KCNIP2: variants seen among roughly 807,000 people sequenced by gnomAD.
KCNIP2 encodes the protein potassium voltage-gated channel interacting protein 2.
In KCNIP2, 19 loss-of-function variants were observed where a neutral mutation model predicts 39.0. The observed-to-expected ratio is 0.49, with a 90% CI of 0.34 to 0.71. The LOEUF (loss-of-function observed/expected upper bound fraction) is 0.71, where lower values mean the gene tolerates loss of function less well. KCNIP2 is among the 30% of genes least tolerant of loss of function. The probability of loss-of-function intolerance (pLI) is 0.01; values close to 1 mark genes in which losing one functional copy is unlikely to be tolerated. For missense variants in KCNIP2, 261 were observed against 346.0 expected, an observed-to-expected ratio of 0.75 and a Z score of 1.95; for synonymous variants, 111 against 131.2, an observed-to-expected ratio of 0.85 and a Z score of 1.05.
chr10:101,839,796 T>G, intron 1 of KCNIP2: 1 of 1,611,350 alleles, frequency 6.2e-7, no homozygotes, highest in Non-Finnish European at 8.5e-7. Context: ...GGGATCGCGC[T>G]GCCTGCCCCA....
intron 2 of KCNIP2, among the ~76,000 whole-genome samples, chr10:101,830,238 A>G (rs746665257): frequency 2.6e-5 from 4 of 152,174 alleles, no homozygotes; most frequent in Admixed American, 6.5e-5. Flanking sequence ...AAGCGAGGTC[A>G]CTCAACTGGA....
chr10:101,828,958 C>A lies in KCNIP2; in HGVS notation c.348+117G>T. ...TCCAGCTAGAAGTTCAGTCTCAGGG[C>A]CTTGCCTCCCTTCCGCCCACACCTC... On this transcript the variant is annotated intron_variant, in intron 4 of 9. Transcript: ENST00000356640. This position sits in a 1 kb window ranked among gnomAD's most constrained non-coding sequence, Gnocchi z 6.6. The A allele has an allele frequency of 6.6e-7, 1 of 1,522,496 alleles. No homozygotes were observed. Among genetic ancestry groups the A allele is most frequent in the Admixed American group, 2.0e-5 (1 of 51,092 alleles). 94.3% of individuals were successfully genotyped at this position (1,522,496 alleles called of 1,614,324 possible).
chr10:101,828,118 C>T lies in KCNIP2; in HGVS notation c.597+33G>A. On this transcript the variant is annotated intron_variant, in intron 7 of 9. Coordinates refer to ENST00000356640, the MANE Select transcript of KCNIP2 (RefSeq NM_173191.3). The surrounding 1 kb of genome is among the most constrained non-coding windows in gnomAD (Gnocchi z 6.6). ...CCTCTGCACGCCACCCCCATCACCG[C>T]CACAGACCCCCAGCCCTTCAGTTGC... 1 of 1,597,494 alleles carries T rather than the reference C, an allele frequency of 6.3e-7. No individual in the cohort carries two copies. The highest frequency in any genetic ancestry group is 8.6e-7 in the Non-Finnish European group (1 of 1,165,058).
At position 101,843,609 on chromosome 10, in the gene KCNIP2, G is replaced by T; in HGVS notation, c.-41C>A. ...GCTCCCGCCCGGGCCGTGGGAGGGG[G>T]CGCCGGGTGGCCGGGATAGGGCGCT... is the stretch of plus-strand genomic sequence containing the variant. On this transcript the variant is annotated 5_prime_UTR_variant, in exon 1 of 10. Coordinates refer to ENST00000356640, the MANE Select transcript of KCNIP2 (RefSeq NM_173191.3). The surrounding 1 kb of genome is among the most constrained non-coding windows in gnomAD (Gnocchi z 6.7). 1 of 1,276,488 alleles carries T rather than the reference G, an allele frequency of 7.8e-7. No homozygotes were observed. Among genetic ancestry groups the T allele is most frequent in the Non-Finnish European group, 1.0e-6 (1 of 954,572 alleles). 79.1% of individuals were successfully genotyped at this position (1,276,488 alleles called of 1,614,324 possible).
In KCNIP2 at chr10:101,828,506, TCCTC is replaced by T. The variant is rs770578421; in HGVS notation, c.419-51_419-48del. The T allele has an allele frequency of 3.9e-5, 62 of 1,606,206 alleles. No homozygotes were observed. The highest frequency in any genetic ancestry group is 5.4e-5 in the African/African-American group (4 of 74,672). On this transcript the variant is annotated intron_variant, in intron 5 of 9. Coordinates refer to ENST00000356640, the MANE Select transcript of KCNIP2 (RefSeq NM_173191.3). This position sits in a 1 kb window ranked among gnomAD's most constrained non-coding sequence, Gnocchi z 6.6. ...GTTGGCTTCCACACAGGAGAGGACT[TCCTC>T]CCTCTAAGGAGCTCCCCATACCCCC...
intron 1 of KCNIP2, 92 bp from the exon 2 acceptor site, chr10:101,831,259 C>A: frequency 2.0e-6 from 2 of 998,228 alleles, no homozygotes; most frequent in South Asian, 3.1e-5. Flanking sequence ...TCAACCCCAT[C>A]TGGGGACCGG....
At position 101,829,336 on chromosome 10, in the gene KCNIP2, C is replaced by T. The variant is rs189625450; in HGVS notation, c.224-137G>A. The T allele has an allele frequency of 4.3e-6, 5 of 1,152,688 alleles. No homozygotes were observed. In the East Asian group the frequency reaches 1.1e-4, roughly 24 times the overall value. The allele number at this position is 1,152,688 out of a possible 1,614,324, so 71.4% of individuals were successfully genotyped here. A position where few individuals can be genotyped will look rare whatever the true frequency, so the allele number is the denominator to read the frequency against. On this transcript the variant is annotated intron_variant, in intron 3 of 9. Transcript: ENST00000356640. ...ACCAGGCTGCCAGTTCCCTGGGCCC[C>T]GAGCCAAGGACACTGAGGTAAGGAG... is the stretch of plus-strand genomic sequence containing the variant.
chr10:101,827,560 A>T, intron 9 of KCNIP2, 129 bp downstream of exon 9: 5 of 1,322,540 alleles, frequency 3.8e-6, no homozygotes, highest in Non-Finnish European at 5.5e-6. Flanking sequence ...TAAGCCTCCC[A>T]CAAAGGAATA....
chr10:101,830,405 C>G, intron 2 of KCNIP2: 1 of 1,286,392 alleles, frequency 7.8e-7, no homozygotes, highest in Non-Finnish European at 1.0e-6. Flanking sequence ...GGCGGCCGCA[C>G]GGAGTTGAAG....
chr10:101,840,992 G>T (rs1379834591), intron 1 of KCNIP2, among the ~76,000 whole-genome samples: 2 of 152,244 alleles, frequency 1.3e-5, no homozygotes, highest in Non-Finnish European at 2.9e-5. Flanking sequence ...AGACAGGGCC[G>T]CTGCTAAACG....
At chr10:101,831,366 T>G (rs1160538283) in intron 1 of KCNIP2, among the ~76,000 whole-genome samples, 199 bp from the exon 2 acceptor site, 16 of 152,132 alleles carry the variant, frequency 1.1e-4, no homozygotes, top group Non-Finnish European at 2.4e-4. Flanking sequence ...GCTCAGGCAC[T>G]TGGTTTAATG....
chr10:101,839,763 C>G lies in KCNIP2; in HGVS notation c.73+3733G>C, dbSNP rs753679006. 1.1e-5 allele frequency: 18 copies of G among 1,612,266 alleles called. No individual in the cohort carries two copies. The South Asian group carries it at 1.9e-4, about 17-fold the overall frequency. On this transcript the variant is annotated intron_variant, in intron 1 of 9. Transcript: ENST00000356640. ...CCTTCCTCATCATACCTGGGGACAG[C>G]GACCCAGTCACCAGCTGGTAGAGGG...
intron 2 of KCNIP2, among the ~76,000 whole-genome samples, chr10:101,830,264 G>A (rs538027886): frequency 6.6e-6 from 1 of 152,174 alleles, no homozygotes; most frequent in African/African-American, 2.4e-5. Context: ...CTCAGCAGGG[G>A]ACCAGGCTGG....
At chr10:101,827,576 G>A in intron 9 of KCNIP2, 113 bp downstream of exon 9, 1 of 1,359,950 alleles carries the variant, frequency 7.4e-7, no homozygotes, top group Admixed American at 1.7e-5. Context: ...GAATAGGATT[G>A]AAATATGGGG....
intron 1 of KCNIP2, among the ~76,000 whole-genome samples, chr10:101,835,860 A>G (rs1276993317): frequency 2.0e-5 from 3 of 152,220 alleles, no homozygotes; most frequent in African/African-American, 7.2e-5. Context: ...AAGGCATACT[A>G]TTATCCTCAT....
At position 101,828,044 on chromosome 10, in the gene KCNIP2, T is replaced by C; in HGVS notation, c.598-51A>G. The C allele has an allele frequency of 6.4e-7, 1 of 1,568,066 alleles. No homozygotes were observed. Among genetic ancestry groups the C allele is most frequent in the Non-Finnish European group, 8.8e-7 (1 of 1,138,146 alleles). ...CCTTCCTCAGAGCCTCCAGCCTCCC[T>C]TGATCCCTTGCTTGTGGGCATATGT... On this transcript the variant is annotated intron_variant, in intron 7 of 9. Coordinates refer to ENST00000356640, the MANE Select transcript of KCNIP2 (RefSeq NM_173191.3). This position sits in a 1 kb window ranked among gnomAD's most constrained non-coding sequence, Gnocchi z 6.6.
At chr10:101,840,211 C>T (rs2066288943) in intron 1 of KCNIP2, among the ~76,000 whole-genome samples, 1 of 151,368 alleles carries the variant, frequency 6.6e-6, no homozygotes, top group Non-Finnish European at 1.5e-5. Flanking sequence ...CCCCTTTCAG[C>T]CCCCCTTTCT....
At position 101,828,822 on chromosome 10, in the gene KCNIP2, G is replaced by A. The variant is rs1226773223; in HGVS notation, c.349-126C>T. 6.3e-7 allele frequency: 1 copy of A among 1,583,138 alleles called. No homozygotes were observed. Among genetic ancestry groups the A allele is most frequent in the Admixed American group, 1.8e-5 (1 of 54,344 alleles). On this transcript the variant is annotated intron_variant, in intron 4 of 9. Transcript: ENST00000356640. This position sits in a 1 kb window ranked among gnomAD's most constrained non-coding sequence, Gnocchi z 6.6. ...TTCAAGCCTCCAGAGGACTCACCACGTGGCTCATGTGATGGGAGGGAAGAC... is the reference window on the plus strand; with the variant it reads ...TTCAAGCCTCCAGAGGACTCACCACATGGCTCATGTGATGGGAGGGAAGAC...
chr10:101,832,665 A>G (rs918886004), intron 1 of KCNIP2, among the ~76,000 whole-genome samples: 3 of 152,120 alleles, frequency 2.0e-5, no homozygotes, highest in African/African-American at 7.2e-5. Context: ...CCTCTGGCCC[A>G]GGGCTCCATT....
Sources: gnomAD v4.1 joint callset for allele counts (sites outside exome capture counted in the v4.1 genomes callset) on GRCh38, gnomAD v4.1.1 for gene constraint, Gnocchi (gnomAD v3.1) non-coding constraint, MANE v1.5 for transcripts, NCBI Gene and HGNC (gene_info 2026-07-23, HGNC 2026-07-21) for gene names.